The following NTRK2 variants were observed in gnomAD, a reference collection of about 807,000 sequenced individuals.
The protein encoded by NTRK2 is BDNF/NT-3 growth factors receptor.
A neutral mutation model predicts 94.5 loss-of-function variants in NTRK2; 13 were observed. That is an observed-to-expected ratio of 0.14 (90% CI 0.09 to 0.22). NTRK2 has a LOEUF of 0.22. NTRK2 is among the 10% of genes least tolerant of loss of function. NTRK2 has a pLI of 1.00. For synonymous variants in NTRK2, 372 were observed against 407.4 expected (o/e 0.91, Z 1.05); for missense variants, 639 against 1,071.2 (o/e 0.60, Z 5.63).
intron 4 of NTRK2, among the ~76,000 whole-genome samples, chr9:84,706,109 C>T (rs767229393): frequency 2.6e-5 from 4 of 152,036 alleles, no homozygotes; most frequent in Non-Finnish European, 5.9e-5. Flanking sequence ...TCTTAATTCA[C>T]GTTCCAAAAG....
intron 14 of NTRK2, among the ~76,000 whole-genome samples, chr9:84,890,296 G>T (rs1233467519): frequency 2.0e-5 from 3 of 152,192 alleles, no homozygotes; most frequent in African/African-American, 7.2e-5. Flanking sequence ...GGGTGTGACT[G>T]ATCAGTGCTA....
intron 11 of NTRK2, among the ~76,000 whole-genome samples, chr9:84,750,248 C>G (rs1337792686): frequency 6.6e-6 from 1 of 151,694 alleles, no homozygotes; most frequent in Non-Finnish European, 1.5e-5. Flanking sequence ...CAAGTGTCCC[C>G]TGGATGGCAA....
chr9:84,768,695 C>G (rs1022533339), intron 12 of NTRK2, among the ~76,000 whole-genome samples: 18 of 152,026 alleles, frequency 1.2e-4, no homozygotes, highest in African/African-American at 4.4e-4. Flanking sequence ...TCAAAGAAAA[C>G]CAGAGCTCAG....
At chr9:84,917,218 G>A (rs1408171335) in intron 14 of NTRK2, among the ~76,000 whole-genome samples, 1 of 152,196 alleles carries the variant, frequency 6.6e-6, no homozygotes, top group Non-Finnish European at 1.5e-5. Context: ...CATTATGTAA[G>A]TGCATTTGAC....
intron 12 of NTRK2, chr9:84,814,026 A>G: frequency 1.9e-6 from 2 of 1,065,064 alleles, no homozygotes; most frequent in South Asian, 9.1e-5. Context: ...TCATCTCACA[A>G]CAGGAAAAAC....
intron 6 of NTRK2, among the ~76,000 whole-genome samples, chr9:84,712,073 G>T: frequency 6.6e-6 from 1 of 152,100 alleles, no homozygotes; most frequent in East Asian, 1.9e-4. Flanking sequence ...GAGTCACCTG[G>T]CCTTTTGGCC....
At chr9:84,980,064 A>AGTGGT (rs1163500626) in intron 17 of NTRK2, among the ~76,000 whole-genome samples, 15 of 152,216 alleles carry the variant, frequency 9.9e-5, no homozygotes, top group South Asian at 2.1e-4. Context: ...GCTTTATTGC[A>AGTGGT]GTGGTATGGA....
At chr9:84,935,556 G>A (rs1458205430) in intron 15 of NTRK2, among the ~76,000 whole-genome samples, 1 of 152,034 alleles carries the variant, frequency 6.6e-6, no homozygotes, top group African/African-American at 2.4e-5. Context: ...GGCCTTCCTA[G>A]GAATGATAAA....
chr9:84,841,060 C>G (rs893330286), intron 12 of NTRK2, among the ~76,000 whole-genome samples: 4 of 152,208 alleles, frequency 2.6e-5, no homozygotes, highest in African/African-American at 9.7e-5. Flanking sequence ...TTGAGACCCT[C>G]TCCTCTCCAG....
intron 14 of NTRK2, among the ~76,000 whole-genome samples, chr9:84,921,705 G>A (rs2077572134): frequency 6.6e-6 from 1 of 152,254 alleles, no homozygotes; most frequent in African/African-American, 2.4e-5. Flanking sequence ...ATAGAAGAAT[G>A]AAAAATAATG....
intron 6 of NTRK2, among the ~76,000 whole-genome samples, chr9:84,712,256 GTTGTC>G (rs2061457196): frequency 6.6e-6 from 1 of 152,172 alleles, no homozygotes; most frequent in African/African-American, 2.4e-5. Context: ...TTTTGGTTGT[GTTGTC>G]TTGGCAGCAT....
rs1314149787 is a variant in NTRK2, at chr9:84,953,281, A to AT, written c.1938-1997dup. On this transcript the variant is annotated intron_variant, in intron 16 of 18. Coordinates refer to ENST00000277120, the MANE Select transcript of NTRK2 (RefSeq NM_006180.6). ...TGTTTTCACATCACCTGTCAATTTC[A>AT]TTTTTAAAGAGAATCTTTGTTTGCA... Among the ~76,000 whole-genome samples, 8 of 152,326 alleles carry AT rather than the reference A, an allele frequency of 5.3e-5. 1 individual carries two copies. The highest frequency in any genetic ancestry group is 2.1e-4 in the South Asian group (1 of 4,828).
intron 12 of NTRK2, among the ~76,000 whole-genome samples, chr9:84,820,756 G>C (rs548404354): frequency 1.4e-4 from 22 of 152,296 alleles, no homozygotes; most frequent in African/African-American, 4.8e-4. Context: ...TGAGCTAGGT[G>C]CTGGGAGGTA....
intron 17 of NTRK2, among the ~76,000 whole-genome samples, chr9:84,992,077 T>C (rs1275018308): frequency 6.6e-6 from 1 of 152,150 alleles, no homozygotes; most frequent in African/African-American, 2.4e-5. Context: ...AAATCTACCC[T>C]TCAAGGTCTC....
chr9:84,972,422 G>A (rs1412880887), intron 17 of NTRK2, among the ~76,000 whole-genome samples: 1 of 152,160 alleles, frequency 6.6e-6, no homozygotes, highest in Non-Finnish European at 1.5e-5. Context: ...TGTGTTCTAT[G>A]GAACCCAGTG....
chr9:84,671,903 G>A (rs752454090), intron 2 of NTRK2, among the ~76,000 whole-genome samples: 23 of 152,138 alleles, frequency 1.5e-4, no homozygotes, highest in Admixed American at 1.3e-4. Flanking sequence ...CACCTCTACT[G>A]GACTGTTATT....
chr9:84,761,171 A>G (rs370497102), intron 12 of NTRK2, among the ~76,000 whole-genome samples: 1 of 152,208 alleles, frequency 6.6e-6, no homozygotes, highest in South Asian at 2.1e-4. Context: ...AGAATGAGCC[A>G]GTGAGCTAGT....
chr9:84,947,926 C>A (rs569490065), intron 15 of NTRK2, among the ~76,000 whole-genome samples: 19 of 152,300 alleles, frequency 1.2e-4, no homozygotes, highest in South Asian at 2.1e-4. Context: ...ACTCTTCTTG[C>A]GGCTTGCTGG....
intron 14 of NTRK2, among the ~76,000 whole-genome samples, chr9:84,894,364 G>T (rs2076695765): frequency 6.6e-6 from 1 of 152,096 alleles, no homozygotes; most frequent in African/African-American, 2.4e-5. Context: ...ATTTAGCTTT[G>T]TGCGTTATTG....
Sources: allele counts gnomAD v4.1 joint callset (sites outside exome capture counted in the v4.1 genomes callset), GRCh38; gene constraint gnomAD v4.1.1; transcripts MANE v1.5; gene names NCBI Gene and HGNC (gene_info 2026-07-23, HGNC 2026-07-21).